Variants in DLG2 observed in about 807,000 individuals in gnomAD.
DLG2 encodes disks large homolog 2.
DLG2 carries 45 observed loss-of-function variants against 132.5 expected under a neutral mutation model. The ratio of observed to expected loss-of-function variants is 0.34; its 90% CI spans 0.27 to 0.44. DLG2 has a LOEUF of 0.44. Among genes scored for constraint, DLG2 ranks in the 20% least tolerant of loss-of-function variants. The pLI, the probability that DLG2 is intolerant of heterozygous loss-of-function variation, is 1.00. For missense variants in DLG2, 1,045 were observed against 1,196.9 expected (o/e 0.87, Z 1.87); for synonymous variants, 424 against 419.6 (o/e 1.01, Z -0.13).
intron 6 of DLG2, among the ~76,000 whole-genome samples, chr11:84,954,321 G>A (rs2154104722): frequency 6.8e-6 from 1 of 146,996 alleles, no homozygotes; most frequent in South Asian, 2.1e-4. Flanking sequence ...AGATCAAGGA[G>A]CAATAGTCAA....
chr11:85,153,522 A>G (rs1200264819), intron 5 of DLG2, among the ~76,000 whole-genome samples: 1 of 152,142 alleles, frequency 6.6e-6, no homozygotes, highest in Non-Finnish European at 1.5e-5. Context: ...ACTCTGGAAT[A>G]TCAAATCTCC....
At chr11:84,205,205 G>A (rs2096649700) in intron 8 of DLG2, among the ~76,000 whole-genome samples, 1 of 152,100 alleles carries the variant, frequency 6.6e-6, no homozygotes, top group Non-Finnish European at 1.5e-5. Context: ...AATCTTAACT[G>A]TATTCATACC....
intron 18 of DLG2, among the ~76,000 whole-genome samples, chr11:83,696,550 C>T (rs2081980851): frequency 6.6e-6 from 1 of 152,040 alleles, no homozygotes; most frequent in Non-Finnish European, 1.5e-5. Flanking sequence ...AAAAATCCAA[C>T]CAAGGGAATG....
intron 5 of DLG2, among the ~76,000 whole-genome samples, chr11:85,119,258 T>C (rs1472136953): frequency 6.6e-6 from 1 of 152,026 alleles, no homozygotes; most frequent in Non-Finnish European, 1.5e-5. Flanking sequence ...TTCTGCAGTC[T>C]GGGATTATTT....
intron 22 of DLG2, among the ~76,000 whole-genome samples, chr11:83,475,734 TTC>T (rs900594809): frequency 3.3e-5 from 5 of 151,326 alleles, no homozygotes; most frequent in Admixed American, 3.3e-4. Context: ...TTCTTTTCTT[TTC>T]TCTCTCTTTC....
At chr11:85,470,061 A>G (rs1248543481) in intron 3 of DLG2, among the ~76,000 whole-genome samples, 1 of 151,564 alleles carries the variant, frequency 6.6e-6, no homozygotes, top group Admixed American at 6.6e-5. Flanking sequence ...CTATCCATCC[A>G]CACTGTTCCT....
rs1555179009 is a variant in DLG2 at position 84,711,015 on chromosome 11, T to TAG, written c.358-176285_358-176284insCT. On this transcript the variant is annotated intron_variant, in intron 6 of 27. Coordinates refer to ENST00000376104, the MANE Select transcript of DLG2 (RefSeq NM_001142699.3). ...GTACATTCATATATATATAGATATA[T>TAG]ATATATATATATATATAGAGCTGAA... Among the ~76,000 whole-genome samples the TAG allele has an allele frequency of 5.7e-5, 5 of 87,310 alleles. 1 individual carries two copies. Among genetic ancestry groups the TAG allele is most frequent in the Middle Eastern group, 0.014 (2 of 146 alleles). 57.3% of individuals were successfully genotyped at this position (87,310 alleles called of 152,430 possible).
chr11:83,945,806 CTGTGTGTG>C (rs56913664), intron 14 of DLG2, among the ~76,000 whole-genome samples: 31 of 136,372 alleles, frequency 2.3e-4, no homozygotes, highest in East Asian at 4.4e-4. Context: ...AGAAATGCCT[CTGTGTGTG>C]TGTGTGTGTG....
At chr11:85,187,710 G>C (rs1184561289) in intron 4 of DLG2, among the ~76,000 whole-genome samples, 1 of 152,080 alleles carries the variant, frequency 6.6e-6, no homozygotes, top group East Asian at 1.9e-4. Context: ...AGTTCTATTA[G>C]GATGGGAAAA....
At chr11:83,699,937 G>GCACACACACACA (rs140957816) in intron 18 of DLG2, among the ~76,000 whole-genome samples, 10 of 142,366 alleles carry the variant, frequency 7.0e-5, no homozygotes, top group African/African-American at 2.1e-4. Flanking sequence ...CACCACACAT[G>GCACACACACACA]CACACACACA....
At chr11:84,572,429 A>C (rs2099487601) in intron 6 of DLG2, among the ~76,000 whole-genome samples, 1 of 152,170 alleles carries the variant, frequency 6.6e-6, no homozygotes, top group Admixed American at 6.6e-5. Flanking sequence ...AGACATGTAA[A>C]GAAGTCTGGG....
chr11:84,722,738 G>A (rs1284937705), intron 6 of DLG2, among the ~76,000 whole-genome samples: 1 of 152,084 alleles, frequency 6.6e-6, no homozygotes, highest in Non-Finnish European at 1.5e-5. Context: ...AATTCAACAC[G>A]GAAAGACCCT....
chr11:84,356,791 GA>G (rs1164038496), intron 7 of DLG2, among the ~76,000 whole-genome samples: 2 of 151,882 alleles, frequency 1.3e-5, no homozygotes, highest in African/African-American at 4.8e-5. Flanking sequence ...AATGAACATA[GA>G]AAGAGGAAAT....
intron 6 of DLG2, chr11:84,923,195 A>C: frequency 4.4e-6 from 7 of 1,606,760 alleles, no homozygotes; most frequent in Non-Finnish European, 5.9e-6. Context: ...GATCCTGGGC[A>C]TGTGCTACTA....
chr11:83,510,049 C>G (rs766757958), intron 21 of DLG2, among the ~76,000 whole-genome samples: 1 of 152,196 alleles, frequency 6.6e-6, no homozygotes, highest in South Asian at 2.1e-4. Context: ...CTGGCCCTGG[C>G]CTGGGTCCTC....
At chr11:84,968,515 G>A (rs774633619) in intron 6 of DLG2, among the ~76,000 whole-genome samples, 1 of 152,092 alleles carries the variant, frequency 6.6e-6, no homozygotes, top group Non-Finnish European at 1.5e-5. Flanking sequence ...AATCCAGAAT[G>A]AGCCTTTTGA....
intron 3 of DLG2, among the ~76,000 whole-genome samples, chr11:85,335,118 T>C (rs950142985): frequency 6.6e-6 from 1 of 152,200 alleles, no homozygotes; most frequent in Non-Finnish European, 1.5e-5. Flanking sequence ...TGGGTGCATA[T>C]ATATTTAGGA....
intron 11 of DLG2, among the ~76,000 whole-genome samples, chr11:83,985,886 C>G (rs573684819): frequency 1.3e-5 from 2 of 151,988 alleles, no homozygotes; most frequent in African/African-American, 4.8e-5. Flanking sequence ...GATGGGATTG[C>G]TAGGTTGAAT....
chr11:84,051,879 C>G (rs1039829673), intron 11 of DLG2, among the ~76,000 whole-genome samples: 2 of 151,408 alleles, frequency 1.3e-5, no homozygotes, highest in Non-Finnish European at 3.0e-5. Flanking sequence ...AGGTATATGC[C>G]TGATTTATTA....
Sources: gnomAD v4.1 joint callset for allele counts (sites outside exome capture counted in the v4.1 genomes callset) on GRCh38, gnomAD v4.1.1 for gene constraint, MANE v1.5 for transcripts, NCBI Gene and HGNC (gene_info 2026-07-23, HGNC 2026-07-21) for gene names.